WWOX: variants seen among roughly 807,000 people sequenced by gnomAD.
The protein encoded by WWOX is WW domain containing oxidoreductase.
A neutral mutation model predicts 46.2 loss-of-function variants in WWOX; 69 were observed. The ratio of observed to expected loss-of-function variants is 1.49; its 90% CI spans 1.23 to 1.82. WWOX has a LOEUF of 1.82. Among genes scored for constraint, WWOX ranks in the 40% most tolerant of loss-of-function variants. The pLI is 0.00. For missense variants in WWOX, 919 were observed against 542.6 expected, an observed-to-expected ratio of 1.69 and a Z score of -6.89; for synonymous variants, 359 against 202.6, an observed-to-expected ratio of 1.77 and a Z score of -6.56.
chr16:78,332,045 C>G (rs1459739255), intron 5 of WWOX, among the ~76,000 whole-genome samples: 1 of 152,166 alleles, frequency 6.6e-6, no homozygotes, highest in East Asian at 1.9e-4. Flanking sequence ...CTCAGGGAGT[C>G]TGATTACTGT....
chr16:78,825,819 T>C, intron 8 of WWOX: 1 of 597,204 alleles, frequency 1.7e-6, no homozygotes, highest in South Asian at 2.0e-5. Flanking sequence ...TAGGGTTTTC[T>C]GGGCATCAAG....
At chr16:79,076,525 T>A (rs1364845751) in intron 8 of WWOX, among the ~76,000 whole-genome samples, 7 of 152,218 alleles carry the variant, frequency 4.6e-5, no homozygotes, top group African/African-American at 1.7e-4. Context: ...CAGCCCCCGC[T>A]GTCCTAGAAC....
chr16:79,020,023 C>G (rs1287082041), intron 8 of WWOX, among the ~76,000 whole-genome samples: 2 of 152,188 alleles, frequency 1.3e-5, no homozygotes, highest in African/African-American at 4.8e-5. Context: ...CATTAACATG[C>G]CTTATCTGAC....
intron 8 of WWOX, among the ~76,000 whole-genome samples, chr16:78,753,605 G>T (rs928499116): frequency 6.6e-6 from 1 of 151,482 alleles, no homozygotes; most frequent in African/African-American, 2.4e-5. Context: ...TTTGCGACCA[G>T]CCTGGCTAAC....
intron 8 of WWOX, among the ~76,000 whole-genome samples, chr16:78,497,240 G>C (rs548844098): frequency 1.8e-4 from 27 of 150,832 alleles, no homozygotes; most frequent in African/African-American, 6.6e-4. Context: ...TCATTTTTTT[G>C]CTCTGATTCT....
At chr16:78,280,145 C>T (rs370877028) in intron 5 of WWOX, among the ~76,000 whole-genome samples, 3 of 152,170 alleles carry the variant, frequency 2.0e-5, no homozygotes, top group African/African-American at 7.2e-5. Flanking sequence ...TGTGGGATTT[C>T]CCTTTAAATT....
At chr16:78,626,149 G>C (rs1424518885) in intron 8 of WWOX, among the ~76,000 whole-genome samples, 4 of 148,216 alleles carry the variant, frequency 2.7e-5, no homozygotes, top group African/African-American at 1.0e-4. Flanking sequence ...TTTTCTTTTT[G>C]AGATGGAGTC....
chr16:78,249,975 C>T (rs1030889034), intron 5 of WWOX, among the ~76,000 whole-genome samples: 2 of 152,126 alleles, frequency 1.3e-5, no homozygotes, highest in Non-Finnish European at 2.9e-5. Flanking sequence ...GCCAGGTCCC[C>T]AGTGAGCGGC....
intron 8 of WWOX, among the ~76,000 whole-genome samples, chr16:78,607,600 C>A (rs935059471): frequency 1.9e-4 from 29 of 151,686 alleles, no homozygotes; most frequent in Admixed American, 1.9e-3. Context: ...GAATGACCAT[C>A]CGAGGCATTC....
At chr16:78,790,880 G>A (rs895290198) in intron 8 of WWOX, among the ~76,000 whole-genome samples, 13 of 151,684 alleles carry the variant, frequency 8.6e-5, no homozygotes, top group African/African-American at 2.9e-4. Context: ...TTAGCCGGGC[G>A]TTTTGGTGCT....
At chr16:78,440,510 G>C (rs9929319) in intron 8 of WWOX, among the ~76,000 whole-genome samples, 40,351 of 152,014 alleles carry the variant, frequency 0.27, 6,174 homozygotes, top group East Asian at 0.43. Context: ...TGCCTGACTC[G>C]TAGTAGCACT....
intron 8 of WWOX, among the ~76,000 whole-genome samples, chr16:78,925,574 G>C (rs1195319932): frequency 6.6e-6 from 1 of 152,194 alleles, no homozygotes; most frequent in African/African-American, 2.4e-5. Context: ...TAAAACAGAA[G>C]GGGTAGTATT....
chr16:78,576,850 G>C (rs997595438), intron 8 of WWOX, among the ~76,000 whole-genome samples: 43 of 152,168 alleles, frequency 2.8e-4, no homozygotes, highest in African/African-American at 9.9e-4. Context: ...ATGCTGCCTT[G>C]GGTATCTTAA....
intron 8 of WWOX, among the ~76,000 whole-genome samples, chr16:78,780,086 C>A (rs576357491): frequency 6.6e-6 from 1 of 152,228 alleles, no homozygotes; most frequent in East Asian, 1.9e-4. Flanking sequence ...ATGGTGTGGC[C>A]ATGGTTCTCG....
At chr16:78,765,806 T>C (rs1174391168) in intron 8 of WWOX, among the ~76,000 whole-genome samples, 2 of 152,312 alleles carry the variant, frequency 1.3e-5, no homozygotes, top group Admixed American at 1.3e-4. Flanking sequence ...AGAGAACTCA[T>C]CGCACTATTT....
At chr16:78,422,684 T>TATATATATATATATATATATACACAC (rs1263877025) in intron 6 of WWOX, among the ~76,000 whole-genome samples, 1 of 52,968 alleles carries the variant, frequency 1.9e-5, no homozygotes, top group African/African-American at 1.1e-4. Context: ...TATATATATA[T>TATATATATATATATATATATACACAC]ACACACACAC....
intron 8 of WWOX, among the ~76,000 whole-genome samples, chr16:78,628,164 A>G (rs1433821981): frequency 6.6e-6 from 1 of 152,294 alleles, no homozygotes; most frequent in Non-Finnish European, 1.5e-5. Context: ...GGAAAGCAAA[A>G]GCTGGATGCT....
intron 8 of WWOX, among the ~76,000 whole-genome samples, chr16:78,523,481 A>G (rs903758599): frequency 2.0e-5 from 3 of 152,226 alleles, no homozygotes; most frequent in Non-Finnish European, 4.4e-5. Context: ...CGGGCTTAGT[A>G]GCAATTCTAG....
intron 8 of WWOX, among the ~76,000 whole-genome samples, chr16:78,769,429 G>A (rs1011359258): frequency 1.3e-5 from 2 of 151,984 alleles, no homozygotes; most frequent in African/African-American, 2.4e-5. Context: ...TAGCCATTGG[G>A]GACATCGTGG....
Sources: allele counts gnomAD v4.1 joint callset (sites outside exome capture counted in the v4.1 genomes callset), GRCh38; gene constraint gnomAD v4.1.1; transcripts MANE v1.5; gene names NCBI Gene and HGNC (gene_info 2026-07-23, HGNC 2026-07-21).